The following TCF19 variants were observed in gnomAD, a reference collection of about 807,000 sequenced individuals.
TCF19 encodes the protein transcription factor 19, also known as transcription factor SC1.
TCF19 carries 9 observed loss-of-function variants against 18.3 expected under a neutral mutation model. The ratio of observed to expected loss-of-function variants is 0.49; its 90% CI spans 0.30 to 0.86. TCF19 has a LOEUF of 0.86. Ranked by LOEUF, TCF19 falls within the 40% of genes least tolerant of loss-of-function variation. TCF19 has a pLI of 0.07. For missense variants in TCF19, 376 were observed against 464.3 expected (o/e 0.81, Z 1.75); for synonymous variants, 176 against 185.3 (o/e 0.95, Z 0.41).
In TCF19 at chr6:31,161,550, C is replaced by T. The variant is rs1217370770; in HGVS notation, c.342C>T (p.Pro114=). The T allele has an allele frequency of 4.4e-6, 7 of 1,587,686 alleles. No homozygotes were observed. Among genetic ancestry groups the T allele is most frequent in the Non-Finnish European group, 6.0e-6 (7 of 1,169,378 alleles). Residue 114 remains proline, a synonymous_variant, in exon 3 of 4, where the codon CCC becomes CCT. Transcript: ENST00000376257. ...CTGAAGGGCCCCCAGGAACCAGCCC[C>T]TCGGAGTTCTACTTCATGTTCCAAC... The part of the protein sequence containing the change: ...FGPEGPPGTS[P]SEFYFMFQQV...
rs1380622577 is a variant in TCF19 at position 31,163,678 on chromosome 6, C to T, written c.*961C>T. On this transcript the variant is annotated 3_prime_UTR_variant, in exon 4 of 4. Transcript: ENST00000376257. Reference sequence around the variant, plus strand: ...TGTGAATCAAACCGCTTAACCCACACATGGTACATGTGATTTTCTTTTGTG... The same window carrying T: ...TGTGAATCAAACCGCTTAACCCACATATGGTACATGTGATTTTCTTTTGTG... 5 of 985,354 alleles carry T rather than the reference C, an allele frequency of 5.1e-6. No individual in the cohort carries two copies. Among genetic ancestry groups the T allele is most frequent in the African/African-American group, 1.7e-5 (1 of 57,234 alleles). 61.0% of individuals were successfully genotyped at this position (985,354 alleles called of 1,614,324 possible).
Position 31,163,706 on chromosome 6 carries a change from C to G in TCF19, c.*989C>G. 1.0e-6 allele frequency: 1 copy of G among 985,412 alleles called. No individual in the cohort carries two copies. The highest frequency in any genetic ancestry group is 1.7e-5 in the African/African-American group (1 of 57,332). 61.0% of individuals were successfully genotyped at this position (985,412 alleles called of 1,614,324 possible). A position where few individuals can be genotyped will look rare whatever the true frequency, so the allele number is the denominator to read the frequency against. ...GGTACATGTGATTTTCTTTTGTGAG[C>G]CTTACACCAAGCCAAACTATTGTCA... On this transcript the variant is annotated 3_prime_UTR_variant, in exon 4 of 4. Transcript: ENST00000376257.
Position 31,161,875 on chromosome 6 carries a change from C to A in TCF19, c.667C>A (p.Arg223=). The change falls in exon 3 of 4, where the codon CGG becomes AGG. Residue 223 remains arginine (R), a synonymous_variant. Coordinates refer to ENST00000376257, the MANE Select transcript of TCF19 (RefSeq NM_007109.3). ...TTPSAPPQRN[R]RKSVHRVLAE... is the part of the protein sequence containing the mutation. ...GCCTTCTGCTCCACCACAACGCAAT[C>A]GGAGGAAATCTGTTCACCGAGTGTT... 1 of 1,612,958 alleles carries A rather than the reference C, an allele frequency of 6.2e-7. No homozygotes were observed. The highest frequency in any genetic ancestry group is 8.5e-7 in the Non-Finnish European group (1 of 1,179,984).
rs751518548 is a variant in TCF19, at chr6:31,162,733, C to T, written c.*16C>T. ...TCAGACCTAAGGTCCACTGCCAAGG[C>T]ACCATCGGACACACCTGCCCATGAG... On this transcript the variant is annotated 3_prime_UTR_variant, in exon 4 of 4. Coordinates refer to ENST00000376257, the MANE Select transcript of TCF19 (RefSeq NM_007109.3). The surrounding 1 kb of genome is among the most constrained non-coding windows in gnomAD (Gnocchi z 4.5). 6.1e-5 allele frequency: 98 copies of T among 1,606,898 alleles called. No individual in the cohort carries two copies. Among genetic ancestry groups the T allele is most frequent in the Non-Finnish European group, 8.1e-5 (96 of 1,179,346 alleles).
At chr6:31,160,201 T>C (rs1776674868) in intron 2 of TCF19, among the ~76,000 whole-genome samples, 1 of 152,206 alleles carries the variant, frequency 6.6e-6, no homozygotes, top group South Asian at 2.1e-4. Flanking sequence ...GTAGCCAACA[T>C]TCATCTAGTG....
At position 31,163,230 on chromosome 6, in the gene TCF19, G is replaced by A. The variant is rs1290080452; in HGVS notation, c.*513G>A. On this transcript the variant is annotated 3_prime_UTR_variant, in exon 4 of 4. Coordinates refer to ENST00000376257, the MANE Select transcript of TCF19 (RefSeq NM_007109.3). Reference sequence around the variant, plus strand: ...TTTATTTCCAAGTCAAGGACAAGCCGCTTCATTCACTCCTGGGCATTTACT... The same window carrying A: ...TTTATTTCCAAGTCAAGGACAAGCCACTTCATTCACTCCTGGGCATTTACT... 6 of 992,412 alleles carry A rather than the reference G, an allele frequency of 6.0e-6. No individual in the cohort carries two copies. Among genetic ancestry groups the A allele is most frequent in the East Asian group, 1.1e-4 (1 of 8,996 alleles). The allele number at this position is 992,412 out of a possible 1,614,324, so 61.5% of individuals were successfully genotyped here.
rs776850989 is a variant in TCF19 at position 31,159,643 on chromosome 6, C to A, written c.174C>A (p.Ala58=). The A allele has an allele frequency of 6.2e-7, 1 of 1,613,986 alleles. No homozygotes were observed. The highest frequency in any genetic ancestry group is 1.1e-5 in the South Asian group (1 of 91,086). ...QEPGLISGIH[A]ELHAEPRGDD... ...CTGGCCTCATCTCTGGGATCCACGCCGAACTGCATGCCGAGCCCCGGGGTG... is the reference window on the plus strand; with the variant it reads ...CTGGCCTCATCTCTGGGATCCACGCAGAACTGCATGCCGAGCCCCGGGGTG... The change falls in exon 2 of 4, where the codon GCC becomes GCA. Residue 58 remains alanine, a synonymous_variant. Coordinates refer to ENST00000376257, the MANE Select transcript of TCF19 (RefSeq NM_007109.3).
In TCF19 at chr6:31,162,455, G is replaced by A; in HGVS notation, c.798-22G>A. ...CTCCTACAGGTTTCCGGTGACCCTT[G>A]TGTCTGTGTCACTTCCTTCAGAAAT... On this transcript the variant is annotated intron_variant, in intron 3 of 3. Transcript: ENST00000376257. The surrounding 1 kb of genome is among the most constrained non-coding windows in gnomAD (Gnocchi z 4.5). 2 of 1,591,610 alleles carry A rather than the reference G, an allele frequency of 1.3e-6. No homozygotes were observed. The highest frequency in any genetic ancestry group is 1.7e-6 in the Non-Finnish European group (2 of 1,169,186).
In TCF19 at chr6:31,162,873, A is replaced by G; in HGVS notation, c.*156A>G. The G allele has an allele frequency of 1.4e-6, 2 of 1,430,442 alleles. No individual in the cohort carries two copies. Among genetic ancestry groups the G allele is most frequent in the Non-Finnish European group, 1.8e-6 (2 of 1,096,978 alleles). 88.6% of individuals were successfully genotyped at this position (1,430,442 alleles called of 1,614,324 possible). A position where few individuals can be genotyped will look rare whatever the true frequency, so the allele number is the denominator to read the frequency against. On this transcript the variant is annotated 3_prime_UTR_variant, in exon 4 of 4. Transcript: ENST00000376257. This position sits in a 1 kb window ranked among gnomAD's most constrained non-coding sequence, Gnocchi z 4.5. ...TGATGTGGACTCATTCAGGGCCTGG[A>G]GCAGACCCTGGTGGCCAAGACAGAA...
In TCF19 at chr6:31,162,385, G is replaced by A. The variant is rs929792863; in HGVS notation, c.798-92G>A. On this transcript the variant is annotated intron_variant, in intron 3 of 3. Transcript: ENST00000376257. The surrounding 1 kb of genome is among the most constrained non-coding windows in gnomAD (Gnocchi z 4.5). Reference sequence around the variant, plus strand: ...AGTTCTCAGACCACTGTGCCTCTGTGGCCTCACCCTATGACCAGCCATAGG... The same window carrying A: ...AGTTCTCAGACCACTGTGCCTCTGTAGCCTCACCCTATGACCAGCCATAGG... The A allele has an allele frequency of 1.3e-6, 2 of 1,496,602 alleles. No homozygotes were observed. The highest frequency in any genetic ancestry group is 2.8e-5 in the African/African-American group (2 of 71,304). 92.7% of individuals were successfully genotyped at this position (1,496,602 alleles called of 1,614,324 possible). A position where few individuals can be genotyped will look rare whatever the true frequency, so the allele number is the denominator to read the frequency against.
At position 31,163,591 on chromosome 6, in the gene TCF19, T is replaced by C; in HGVS notation, c.*874T>C. The C allele has an allele frequency of 1.0e-6, 1 of 985,486 alleles. No individual in the cohort carries two copies. The highest frequency in any genetic ancestry group is 4.7e-5 in the South Asian group (1 of 21,290). The allele number at this position is 985,486 out of a possible 1,614,324, so 61.0% of individuals were successfully genotyped here. ...TACAGCAGTTTACCAGTGTGATGGC[T>C]GTGACACAGCTCCACTCCACGGGTG... On this transcript the variant is annotated 3_prime_UTR_variant, in exon 4 of 4. Transcript: ENST00000376257.
Position 31,162,089 on chromosome 6 carries a change from G to A in TCF19, c.797+84G>A. 1 of 1,418,220 alleles carries A rather than the reference G, an allele frequency of 7.1e-7. No individual in the cohort carries two copies. Among genetic ancestry groups the A allele is most frequent in the Non-Finnish European group, 9.5e-7 (1 of 1,057,128 alleles). The allele number at this position is 1,418,220 out of a possible 1,614,324, so 87.9% of individuals were successfully genotyped here. A position where few individuals can be genotyped will look rare whatever the true frequency, so the allele number is the denominator to read the frequency against. On this transcript the variant is annotated intron_variant, in intron 3 of 3. Transcript: ENST00000376257. This position sits in a 1 kb window ranked among gnomAD's most constrained non-coding sequence, Gnocchi z 4.5. ...CCCTAGGCTGTGAGGAGGTCCCCCT[G>A]CCTGGGGGGATGGGCACGGGAGGTG...
chr6:31,162,772 G>C lies in TCF19; in HGVS notation c.*55G>C. ...CCTGCCCATGAGTAGACACAGCAGC[G>C]AGCAAATAGGTCTGATAAATACCCC... On this transcript the variant is annotated 3_prime_UTR_variant, in exon 4 of 4. Coordinates refer to ENST00000376257, the MANE Select transcript of TCF19 (RefSeq NM_007109.3). The surrounding 1 kb of genome is among the most constrained non-coding windows in gnomAD (Gnocchi z 4.5). 6.3e-7 allele frequency: 1 copy of C among 1,586,038 alleles called. No individual in the cohort carries two copies. The highest frequency in any genetic ancestry group is 8.5e-7 in the Non-Finnish European group (1 of 1,171,186).
In TCF19 at chr6:31,159,534, A is replaced by G; in HGVS notation, c.65A>G (p.His22Arg). Residue 22 changes from histidine to arginine, a missense_variant, in exon 2 of 4, where the codon CAC becomes CGC. By Grantham distance (29) the His-to-Arg change is conservative (BLOSUM62 0). Coordinates refer to ENST00000376257, the MANE Select transcript of TCF19 (RefSeq NM_007109.3). The stretch of plus-strand genomic sequence containing the variant: ...AGGGGCGGTGATCTCTACACCTTCC[A>G]CCCCCCCGCCGGGGCTGGCTGCACC... ...GGRGGDLYTF[H>R]PPAGAGCTYR... 2 of 1,600,588 alleles carry G rather than the reference A, an allele frequency of 1.2e-6. No homozygotes were observed. Among genetic ancestry groups the G allele is most frequent in the Non-Finnish European group, 8.5e-7 (1 of 1,175,008 alleles).
chr6:31,163,702 T>C lies in TCF19; in HGVS notation c.*985T>C. Reference sequence around the variant, plus strand: ...ACATGGTACATGTGATTTTCTTTTGTGAGCCTTACACCAAGCCAAACTATT... The same window carrying C: ...ACATGGTACATGTGATTTTCTTTTGCGAGCCTTACACCAAGCCAAACTATT... On this transcript the variant is annotated 3_prime_UTR_variant, in exon 4 of 4. Coordinates refer to ENST00000376257, the MANE Select transcript of TCF19 (RefSeq NM_007109.3). 1.0e-6 allele frequency: 1 copy of C among 985,512 alleles called. No individual in the cohort carries two copies. The highest frequency in any genetic ancestry group is 4.7e-5 in the South Asian group (1 of 21,296). 61.0% of individuals were successfully genotyped at this position (985,512 alleles called of 1,614,324 possible).
chr6:31,159,742 G>A (rs201319656), intron 2 of TCF19, 35 bp downstream of exon 2: 2 of 1,608,130 alleles, frequency 1.2e-6, no homozygotes, highest in East Asian at 2.2e-5. Context: ...GCCCCTGGGT[G>A]GTTGAAGCGC....
Position 31,163,888 on chromosome 6 carries a change from G to A in TCF19, c.*1171G>A. On this transcript the variant is annotated 3_prime_UTR_variant, in exon 4 of 4. Coordinates refer to ENST00000376257, the MANE Select transcript of TCF19 (RefSeq NM_007109.3). ...CCCTAATGAACTAGTGGCAGAGCCAGGAATAAAACTTGAGTAACTAATGAG... is the reference window on the plus strand; with the variant it reads ...CCCTAATGAACTAGTGGCAGAGCCAAGAATAAAACTTGAGTAACTAATGAG... The A allele has an allele frequency of 1.0e-6, 1 of 985,426 alleles. No individual in the cohort carries two copies. The allele number at this position is 985,426 out of a possible 1,614,324, so 61.0% of individuals were successfully genotyped here. A position where few individuals can be genotyped will look rare whatever the true frequency, so the allele number is the denominator to read the frequency against.
chr6:31,161,386 C>G, intron 2 of TCF19, 61 bp from the exon 3 acceptor site: 1 of 1,293,548 alleles, frequency 7.7e-7, no homozygotes, highest in Non-Finnish European at 1.0e-6. Flanking sequence ...TTTCTCCACT[C>G]CTGACTCTGG....
chr6:31,161,529 A>G lies in TCF19; in HGVS notation c.321A>G (p.Glu107=). Residue 107 remains glutamate (E), a synonymous_variant, in exon 3 of 4, where the codon GAA becomes GAG. Transcript: ENST00000376257. ...GAGACCTCCTGACCTTTGGCCCTGA[A>G]GGGCCCCCAGGAACCAGCCCCTCGG... The part of the protein sequence containing the change: ...SDGDLLTFGP[E]GPPGTSPSEF... The G allele has an allele frequency of 6.4e-7, 1 of 1,565,342 alleles. No homozygotes were observed. Among genetic ancestry groups the G allele is most frequent in the African/African-American group, 1.4e-5 (1 of 72,858 alleles).
Sources: gnomAD v4.1 joint callset for allele counts (sites outside exome capture counted in the v4.1 genomes callset) on GRCh38, gnomAD v4.1.1 for gene constraint, Gnocchi (gnomAD v3.1) non-coding constraint, MANE v1.5 for transcripts, NCBI Gene and HGNC (gene_info 2026-07-23, HGNC 2026-07-21) for gene names.